SIPA1L1: variants seen among roughly 807,000 people sequenced by gnomAD.
SIPA1L1 encodes the protein signal induced proliferation associated 1 like 1.
A neutral mutation model predicts 162.7 loss-of-function variants in SIPA1L1; 26 were observed. The observed-to-expected ratio is 0.16, with a 90% CI of 0.12 to 0.22. The LOEUF is 0.22. Among genes scored for constraint, SIPA1L1 ranks in the 10% least tolerant of loss-of-function variants. The pLI is 1.00. For synonymous variants in SIPA1L1, 829 were observed against 837.4 expected, an observed-to-expected ratio of 0.99 and a Z score of 0.17; for missense variants, 1,874 against 2,241.0, an observed-to-expected ratio of 0.84 and a Z score of 3.31.
intron 2 of SIPA1L1, among the ~76,000 whole-genome samples, chr14:71,507,469 C>T (rs186978838): frequency 1.5e-4 from 23 of 152,260 alleles, no homozygotes; most frequent in Middle Eastern, 3.4e-3. Flanking sequence ...AGTTCAGTTT[C>T]GTGGGTAGTT....
chr14:71,566,115 A>G (rs759608929), intron 4 of SIPA1L1, among the ~76,000 whole-genome samples: 11 of 152,168 alleles, frequency 7.2e-5, no homozygotes, highest in Non-Finnish European at 1.6e-4. Context: ...CTAGATATGA[A>G]GTAAATAAAC....
intron 10 of SIPA1L1, 115 bp from the exon 11 acceptor site, chr14:71,671,004 A>G: frequency 1.3e-6 from 1 of 799,666 alleles, no homozygotes; most frequent in Non-Finnish European, 2.0e-6. Context: ...TCATGGAAAA[A>G]TAAGCAGCTA....
intron 17 of SIPA1L1, among the ~76,000 whole-genome samples, chr14:71,720,821 T>G (rs949277870): frequency 6.6e-6 from 1 of 152,122 alleles, no homozygotes; most frequent in African/African-American, 2.4e-5. Context: ...TTGATCTCTT[T>G]GTTAAATTTT....
At chr14:71,334,561 C>T (rs932333680) in intron 2 of SIPA1L1, among the ~76,000 whole-genome samples, 1 of 152,186 alleles carries the variant, frequency 6.6e-6, no homozygotes, top group Non-Finnish European at 1.5e-5. Context: ...TGGTACCAGA[C>T]TTGCCTCTTA....
At chr14:71,730,349 C>A in intron 20 of SIPA1L1, 48 bp downstream of exon 20, 1 of 1,600,932 alleles carries the variant, frequency 6.2e-7, no homozygotes, top group South Asian at 1.1e-5. Flanking sequence ...TGATGATGGT[C>A]AGTGTCCCCA....
chr14:71,410,856 C>A (rs2042354015), intron 2 of SIPA1L1, among the ~76,000 whole-genome samples: 1 of 152,100 alleles, frequency 6.6e-6, no homozygotes, highest in Non-Finnish European at 1.5e-5. Flanking sequence ...GCAGAATCTC[C>A]CCTTTTCCTT....
At chr14:71,642,479 C>T (rs2041813477) in intron 7 of SIPA1L1, among the ~76,000 whole-genome samples, 1 of 152,124 alleles carries the variant, frequency 6.6e-6, no homozygotes, top group African/African-American at 2.4e-5. Flanking sequence ...ATGCTTTTGC[C>T]TCAATAGTGG....
At chr14:71,558,809 A>G (rs548580419) in intron 4 of SIPA1L1, among the ~76,000 whole-genome samples, 6 of 152,194 alleles carry the variant, frequency 3.9e-5, no homozygotes, top group African/African-American at 1.4e-4. Flanking sequence ...TGAGCCTCCT[A>G]AATAGCTGAG....
At chr14:71,534,642 C>T (rs182859015) in intron 4 of SIPA1L1, among the ~76,000 whole-genome samples, 47 of 152,180 alleles carry the variant, frequency 3.1e-4, no homozygotes, top group African/African-American at 1.1e-3. Flanking sequence ...TTAGGTGCCC[C>T]CTTTGTAAAA....
chr14:71,475,340 G>C (rs1432880126), intron 2 of SIPA1L1, among the ~76,000 whole-genome samples: 1 of 152,182 alleles, frequency 6.6e-6, no homozygotes, highest in Non-Finnish European at 1.5e-5. Flanking sequence ...GAAATAACCA[G>C]ACTTTCCTTA....
rs1371556450 is a variant in SIPA1L1, at chr14:71,735,408, G to A, written c.5123+17G>A. On this transcript the variant is annotated intron_variant, in intron 22 of 23. Transcript: ENST00000381232. ...TTACAGCAGGTTGGTCCCAGTGCAA[G>A]GGCAGTACTCTGCACCTTGTGTCAC... 6.5e-7 allele frequency: 1 copy of A among 1,535,156 alleles called. No individual in the cohort carries two copies. The highest frequency in any genetic ancestry group is 1.7e-5 in the Admixed American group (1 of 59,886).
At chr14:71,391,712 A>T (rs1435399837) in intron 2 of SIPA1L1, among the ~76,000 whole-genome samples, 2 of 152,184 alleles carry the variant, frequency 1.3e-5, no homozygotes, top group Non-Finnish European at 2.9e-5. Flanking sequence ...TCTTCTGACC[A>T]ACTAGAGTAC....
At chr14:71,380,418 A>G (rs557755549) in intron 2 of SIPA1L1, among the ~76,000 whole-genome samples, 160 of 152,354 alleles carry the variant, frequency 1.1e-3, no homozygotes, top group Non-Finnish European at 1.0e-3. Flanking sequence ...TAAATGCTCA[A>G]GAACTTACAG....
At chr14:71,609,882 C>A (rs1596398427) in intron 5 of SIPA1L1, among the ~76,000 whole-genome samples, 1 of 152,120 alleles carries the variant, frequency 6.6e-6, no homozygotes, top group East Asian at 1.9e-4. Context: ...CGCCCCCCAC[C>A]CCACCCTGCC....
chr14:71,645,941 A>G (rs1201953211), intron 7 of SIPA1L1, among the ~76,000 whole-genome samples: 2 of 152,188 alleles, frequency 1.3e-5, no homozygotes, highest in African/African-American at 4.8e-5. Flanking sequence ...AGGCAATAGT[A>G]GAGGTTTCAT....
intron 12 of SIPA1L1, among the ~76,000 whole-genome samples, chr14:71,678,666 A>G (rs985449948): frequency 3.9e-5 from 6 of 152,070 alleles, no homozygotes; most frequent in African/African-American, 1.4e-4. Context: ...AAAATGAGTT[A>G]GGGAGGATTC....
At chr14:71,734,070 A>G (rs866760243) in intron 21 of SIPA1L1, among the ~76,000 whole-genome samples, 6 of 152,240 alleles carry the variant, frequency 3.9e-5, no homozygotes, top group African/African-American at 9.6e-5. Context: ...GGGAAGGGCA[A>G]TGGGTAGAGG....
At chr14:71,446,829 C>G (rs1489370358) in intron 2 of SIPA1L1, among the ~76,000 whole-genome samples, 2 of 149,274 alleles carry the variant, frequency 1.3e-5, no homozygotes, top group Admixed American at 6.7e-5. Context: ...CCTTGACAAA[C>G]CATATTTGAA....
At chr14:71,336,768 A>G (rs2035138625) in intron 2 of SIPA1L1, among the ~76,000 whole-genome samples, 1 of 152,220 alleles carries the variant, frequency 6.6e-6, no homozygotes. Flanking sequence ...GCACCTTTCC[A>G]GAGTATTATC....
Sources: allele counts gnomAD v4.1 joint callset (sites outside exome capture counted in the v4.1 genomes callset), GRCh38; gene constraint gnomAD v4.1.1; transcripts MANE v1.5; gene names NCBI Gene and HGNC (gene_info 2026-07-23, HGNC 2026-07-21).